GPD2: variants seen among roughly 807,000 people sequenced by gnomAD.
The protein encoded by GPD2 is glycerol-3-phosphate dehydrogenase, mitochondrial.
In GPD2, 54 loss-of-function variants were observed where a neutral mutation model predicts 82.4. That is an observed-to-expected ratio of 0.66 (90% confidence interval 0.53 to 0.82). The LOEUF is 0.82. GPD2 is among the 40% of genes least tolerant of loss of function. The pLI, the probability that GPD2 is intolerant of heterozygous loss-of-function variation, is 0.00. For synonymous variants in GPD2, 288 were observed against 306.1 expected (o/e 0.94, Z 0.62); for missense variants, 748 against 896.2 (o/e 0.83, Z 2.11).
chr2:156,453,188 A>T (rs1682675619), intron 1 of GPD2, among the ~76,000 whole-genome samples: 2 of 152,184 alleles, frequency 1.3e-5, no homozygotes, highest in Admixed American at 1.3e-4. Context: ...TGAAACAGGC[A>T]GATAGTTGGG....
intron 2 of GPD2, among the ~76,000 whole-genome samples, chr2:156,487,241 G>T (rs1432701135): frequency 6.6e-6 from 1 of 152,286 alleles, no homozygotes; most frequent in South Asian, 2.1e-4. Flanking sequence ...CCCAGGAGGT[G>T]GAAGTTGTGC....
At chr2:156,460,691 A>G (rs989580151) in intron 1 of GPD2, among the ~76,000 whole-genome samples, 3 of 152,156 alleles carry the variant, frequency 2.0e-5, no homozygotes, top group Admixed American at 1.3e-4. Context: ...GCCCAAGGGG[A>G]AATAGAAATA....
At chr2:156,573,017 G>C (rs1315248509) in intron 13 of GPD2, among the ~76,000 whole-genome samples, 1 of 152,064 alleles carries the variant, frequency 6.6e-6, no homozygotes, top group East Asian at 1.9e-4. Flanking sequence ...AACATTATTG[G>C]GCATCTATGA....
the GPD2 span, among the ~76,000 whole-genome samples, chr2:156,415,039 C>G: frequency 6.6e-6 from 1 of 151,918 alleles, no homozygotes; most frequent in Admixed American, 6.6e-5. Flanking sequence ...GTGGTGATTT[C>G]TGAGATTCTG....
intron 1 of GPD2, among the ~76,000 whole-genome samples, chr2:156,464,936 C>T (rs918405541): frequency 6.6e-6 from 1 of 151,936 alleles, no homozygotes; most frequent in Non-Finnish European, 1.5e-5. Context: ...CTAAAGCCTC[C>T]ACCTCCTGGG....
chr2:156,572,712 G>A (rs947948289), intron 13 of GPD2, among the ~76,000 whole-genome samples: 1 of 152,184 alleles, frequency 6.6e-6, no homozygotes, highest in African/African-American at 2.4e-5. Flanking sequence ...AGGATATAAG[G>A]AAGAATCCAG....
At chr2:156,529,282 GTTGT>G (rs1685743558) in intron 6 of GPD2, among the ~76,000 whole-genome samples, 1 of 150,326 alleles carries the variant, frequency 6.7e-6, no homozygotes, top group African/African-American at 2.5e-5. Flanking sequence ...TTTTGATGGG[GTTGT>G]TTGTTTTTTT....
At chr2:156,563,122 G>A (rs986684101) in intron 9 of GPD2, among the ~76,000 whole-genome samples, 26 of 152,132 alleles carry the variant, frequency 1.7e-4, no homozygotes, top group African/African-American at 6.3e-4. Context: ...ATGAAGCCTA[G>A]CATATTATCT....
intron 2 of GPD2, among the ~76,000 whole-genome samples, chr2:156,494,584 G>A (rs1308974842): frequency 6.6e-6 from 1 of 152,132 alleles, no homozygotes; most frequent in African/African-American, 2.4e-5. Flanking sequence ...TCCTTTATTT[G>A]AATGAATTTA....
intron 1 of GPD2, among the ~76,000 whole-genome samples, chr2:156,445,544 C>A (rs1682340786): frequency 6.6e-6 from 1 of 152,192 alleles, no homozygotes; most frequent in East Asian, 1.9e-4. Flanking sequence ...TATGATTTGA[C>A]TTGTAGGAAT....
At chr2:156,425,912 G>A in the GPD2 span, among the ~76,000 whole-genome samples, 2 of 151,332 alleles carry the variant, frequency 1.3e-5, no homozygotes, top group Non-Finnish European at 2.9e-5. Flanking sequence ...AGAACTGCCG[G>A]AGTCTGGGTA....
At chr2:156,549,873 A>G in intron 7 of GPD2, 101 bp downstream of exon 7, 7 of 874,032 alleles carry the variant, frequency 8.0e-6, no homozygotes, top group Non-Finnish European at 1.3e-5. Flanking sequence ...CATTTATGCC[A>G]CGCTTCAGAG....
At chr2:156,485,491 C>T (rs1046959197) in intron 2 of GPD2, among the ~76,000 whole-genome samples, 2 of 152,190 alleles carry the variant, frequency 1.3e-5, no homozygotes, top group Non-Finnish European at 2.9e-5. Flanking sequence ...AGTCCATTCT[C>T]TATTGTGTAT....
chr2:156,482,784 C>T (rs774026763), intron 2 of GPD2, among the ~76,000 whole-genome samples: 4 of 152,004 alleles, frequency 2.6e-5, no homozygotes, highest in Non-Finnish European at 5.9e-5. Context: ...ATAGTTCACT[C>T]TGTTATATGT....
the GPD2 span, among the ~76,000 whole-genome samples, chr2:156,406,397 A>G: frequency 9.9e-5 from 15 of 152,112 alleles, no homozygotes; most frequent in Non-Finnish European, 1.5e-4. Context: ...ATTAGTCAAC[A>G]AGCCTGATTT....
intron 1 of GPD2, among the ~76,000 whole-genome samples, chr2:156,443,368 T>C (rs1682246633): frequency 6.6e-6 from 1 of 152,198 alleles, no homozygotes; most frequent in Admixed American, 6.5e-5. Context: ...TCCAAGTGCC[T>C]TTCATGTGGG....
the GPD2 span, among the ~76,000 whole-genome samples, chr2:156,426,090 A>AT: frequency 2.6e-5 from 4 of 151,824 alleles, no homozygotes; most frequent in African/African-American, 4.8e-5. Context: ...CGCCAGGCTA[A>AT]TTTTTTGTAT....
At chr2:156,541,748 T>TG (rs1357580622) in intron 6 of GPD2, among the ~76,000 whole-genome samples, 1 of 151,526 alleles carries the variant, frequency 6.6e-6, no homozygotes, top group Non-Finnish European at 1.5e-5. Context: ...TTCCTGACTT[T>TG]CCAACTTCAC....
chr2:156,579,636 C>A, intron 15 of GPD2, 54 bp from the exon 16 acceptor site: 2 of 907,738 alleles, frequency 2.2e-6, no homozygotes, highest in Non-Finnish European at 1.8e-6. Flanking sequence ...CCAGCCAAAG[C>A]ATATGCATAA....
Sources: allele counts gnomAD v4.1 joint callset (sites outside exome capture counted in the v4.1 genomes callset), GRCh38; gene constraint gnomAD v4.1.1; transcripts MANE v1.5; gene names NCBI Gene and HGNC (gene_info 2026-07-23, HGNC 2026-07-21).